The following ZNF761 variants were observed in gnomAD, a reference collection of about 807,000 sequenced individuals.
The protein encoded by ZNF761 is zinc finger protein 761.
ZNF761 carries 43 observed loss-of-function variants against 59.9 expected under a neutral mutation model. The observed-to-expected ratio is 0.72, with a 90% CI of 0.56 to 0.92. The LOEUF (loss-of-function observed/expected upper bound fraction) is 0.92. ZNF761 is among the 40% of genes least tolerant of loss of function. The pLI, the probability that ZNF761 is intolerant of heterozygous loss-of-function variation, is 0.00. For missense variants in ZNF761, 850 were observed against 906.1 expected, an observed-to-expected ratio of 0.94 and a Z score of 0.79; for synonymous variants, 294 against 304.8, an observed-to-expected ratio of 0.96 and a Z score of 0.37.
chr19:53,434,631 TGTAAAAGCTTTTCCTTA>T (rs2086017382), intron 1 of ZNF761, among the ~76,000 whole-genome samples: 1 of 152,224 alleles, frequency 6.6e-6, no homozygotes, highest in Admixed American at 6.5e-5. Flanking sequence ...CCAGTGAGTC[TGTAAAAGCTTTTCCTTA>T]GTGAGCAACC....
rs1435306328 is a variant in ZNF761 at position 53,439,938 on chromosome 19, G to A, written c.-184-6289G>A. 2.0e-5 allele frequency among the ~76,000 whole-genome samples: 3 copies of A among 152,088 alleles called. No individual in the cohort carries two copies. In the East Asian group the frequency reaches 5.8e-4, roughly 29 times the overall value. On this transcript the variant is annotated intron_variant, in intron 1 of 4. Coordinates refer to ENST00000684525, the MANE Select transcript of ZNF761 (RefSeq NM_001289951.2). The stretch of plus-strand genomic sequence containing the variant: ...CATGATTTACAGCTAAACCAGGTGG[G>A]TTGTCCTCAGCCTATACTCCAGGAA...
At chr19:53,454,568 T>G in intron 4 of ZNF761, 82 bp from the exon 5 acceptor site, 1 of 1,396,166 alleles carries the variant, frequency 7.2e-7, no homozygotes, top group Non-Finnish European at 9.6e-7. Context: ...ATAACTATTG[T>G]TTTTTGTGTC....
intron 4 of ZNF761, among the ~76,000 whole-genome samples, chr19:53,452,724 C>G (rs2086232168): frequency 6.6e-6 from 1 of 152,180 alleles, no homozygotes; most frequent in African/African-American, 2.4e-5. Context: ...CTGCCGTGTC[C>G]TGACATGGTG....
chr19:53,444,115 G>T (rs2147130249), intron 1 of ZNF761: 1 of 152,404 alleles, frequency 6.6e-6, no homozygotes, highest in Non-Finnish European at 1.5e-5. Flanking sequence ...TATTGTCCAA[G>T]GTTTCTGCCT....
intron 1 of ZNF761, 70 bp downstream of exon 1, chr19:53,432,098 G>A (rs548430899): frequency 6.6e-6 from 1 of 152,372 alleles, no homozygotes; most frequent in East Asian, 1.9e-4. Flanking sequence ...CTGGGACTTG[G>A]GATCCCCACA....
intron 1 of ZNF761, among the ~76,000 whole-genome samples, chr19:53,435,322 G>C (rs1299855265): frequency 6.4e-5 from 1 of 15,540 alleles, no homozygotes; most frequent in South Asian, 2.3e-3. Context: ...TTTTTTTTTT[G>C]AGATGGAGTT....
At chr19:53,447,138 G>T in intron 2 of ZNF761, 58 bp from the exon 3 acceptor site, 1 of 1,204,252 alleles carries the variant, frequency 8.3e-7, no homozygotes, top group South Asian at 1.4e-5. Context: ...GTGTGGTTGT[G>T]TTCCACGGAG....
intron 1 of ZNF761, among the ~76,000 whole-genome samples, chr19:53,433,991 C>T (rs918994996): frequency 6.6e-6 from 1 of 152,138 alleles, no homozygotes; most frequent in Non-Finnish European, 1.5e-5. Flanking sequence ...CTACATACTC[C>T]TCCTTCCTAG....
At chr19:53,450,040 C>G (rs551061104) in intron 4 of ZNF761, 2 of 422,088 alleles carry the variant, frequency 4.7e-6, no homozygotes, top group South Asian at 6.9e-5. Flanking sequence ...CTTGGTGGCT[C>G]ACGCCTGTAA....
rs1168699464 is a variant in ZNF761, at chr19:53,435,430, G to A, written c.-185+3402G>A. Among the ~76,000 whole-genome samples the A allele has an allele frequency of 2.0e-5, 3 of 149,124 alleles. No homozygotes were observed. In the East Asian group the frequency reaches 6.0e-4, roughly 30 times the overall value. On this transcript the variant is annotated intron_variant, in intron 1 of 4. Transcript: ENST00000684525. ...AGCGATTCTCCTGCCTCAGCCTCCTGAAAGGCTGTGATTACAGGCATGCGC... is the reference window on the plus strand; with the variant it reads ...AGCGATTCTCCTGCCTCAGCCTCCTAAAAGGCTGTGATTACAGGCATGCGC...
At chr19:53,439,846 T>A (rs2147125184) in intron 1 of ZNF761, among the ~76,000 whole-genome samples, 1 of 152,294 alleles carries the variant, frequency 6.6e-6, no homozygotes, top group Middle Eastern at 3.4e-3. Flanking sequence ...TACAGACTTT[T>A]GGGGAACTGG....
At chr19:53,433,363 G>C (rs1299962025) in intron 1 of ZNF761, among the ~76,000 whole-genome samples, 2 of 151,676 alleles carry the variant, frequency 1.3e-5, no homozygotes, top group African/African-American at 4.8e-5. Flanking sequence ...AACAAGAACA[G>C]CTAAATACAC....
chr19:53,450,033 G>T, intron 4 of ZNF761: 1 of 432,660 alleles, frequency 2.3e-6, no homozygotes. Flanking sequence ...GGCCGGGCTT[G>T]GTGGCTCACG....
intron 4 of ZNF761, among the ~76,000 whole-genome samples, chr19:53,452,128 C>T (rs539106064): frequency 6.6e-6 from 1 of 152,222 alleles, no homozygotes; most frequent in Non-Finnish European, 1.5e-5. Context: ...GTGGGCTGAT[C>T]ACTTGAAATC....
Position 53,454,165 on chromosome 19 carries a change from A to T in ZNF761, c.143-485A>T, listed in dbSNP as rs138276032. Among the ~76,000 whole-genome samples the T allele has an allele frequency of 2.0e-3, 307 of 152,262 alleles. 1 individual carries two copies. The highest frequency in any genetic ancestry group is 7.1e-3 in the African/African-American group (296 of 41,564). On this transcript the variant is annotated intron_variant, in intron 4 of 4. Transcript: ENST00000684525. ...TTTTGTAATCTTTTCTTGTCTTCTC[A>T]GTGCTATGACTGTTTGACAATACAG...
chr19:53,449,977 C>A, intron 4 of ZNF761: 1 of 482,480 alleles, frequency 2.1e-6, no homozygotes, highest in Non-Finnish European at 3.6e-6. Context: ...TGCCAACCAC[C>A]ATACCTAATT....
intron 1 of ZNF761, among the ~76,000 whole-genome samples, chr19:53,446,026 C>CAT (rs1272822028): frequency 1.3e-5 from 2 of 152,212 alleles, no homozygotes; most frequent in Non-Finnish European, 2.9e-5. Flanking sequence ...TCTCAGGTTG[C>CAT]TGTCCCTGCT....
In ZNF761 at chr19:53,455,569, C is replaced by G; in HGVS notation, c.1062C>G (p.Tyr354Ter). The G allele has an allele frequency of 6.2e-7, 1 of 1,612,976 alleles. No individual in the cohort carries two copies. The highest frequency in any genetic ancestry group is 8.5e-7 in the Non-Finnish European group (1 of 1,179,524). ...GACTTCATACTGGAGAGAAACCTTA[C>G]AAGTGTAATGAGTGTGGCAAGACCT... is the stretch of plus-strand genomic sequence containing the variant. ...HHRLHTGEKP[Y>*]KCNECGKTFS... The change falls in exon 5 of 5, where the codon TAC (tyrosine) becomes TAG (stop). Residue 354 changes from tyrosine (Y) to a stop codon, truncating the protein, a stop_gained. Transcript: ENST00000684525. LOFTEE classifies it high-confidence loss of function.
Position 53,457,152 on chromosome 19 carries a change from CT to C in ZNF761, c.*407del. 1.9e-6 allele frequency: 1 copy of C among 513,890 alleles called. No individual in the cohort carries two copies. Among genetic ancestry groups the C allele is most frequent in the Non-Finnish European group, 3.8e-6 (1 of 261,584 alleles). The allele number at this position is 513,890 out of a possible 1,614,324, so 31.8% of individuals were successfully genotyped here. ...TCAGGCAATCCATGGTGTAGGGAAA[CT>C]TTACTAAGGTAATGATTGTCACAAA... On this transcript the variant is annotated 3_prime_UTR_variant, in exon 5 of 5. Coordinates refer to ENST00000684525, the MANE Select transcript of ZNF761 (RefSeq NM_001289951.2).
Sources: gnomAD v4.1 joint callset for allele counts (sites outside exome capture counted in the v4.1 genomes callset) on GRCh38, gnomAD v4.1.1 for gene constraint, MANE v1.5 for transcripts, NCBI Gene and HGNC (gene_info 2026-07-23, HGNC 2026-07-21) for gene names.